The following FSTL4 variants were observed in gnomAD, a reference collection of about 807,000 sequenced individuals.
The protein encoded by FSTL4 is follistatin-related protein 4.
FSTL4 carries 28 observed loss-of-function variants against 78.2 expected under a neutral mutation model. That is an observed-to-expected ratio of 0.36 (90% CI 0.27 to 0.49). FSTL4 has a LOEUF of 0.49. Ranked by LOEUF, FSTL4 falls within the 20% of genes least tolerant of loss-of-function variation. The pLI, the probability that FSTL4 is intolerant of heterozygous loss-of-function variation, is 0.98. For synonymous variants in FSTL4, 422 were observed against 440.5 expected, an observed-to-expected ratio of 0.96 and a Z score of 0.53; for missense variants, 922 against 1,084.9, an observed-to-expected ratio of 0.85 and a Z score of 2.11.
chr5:133,823,026 A>G, the FSTL4 span, among the ~76,000 whole-genome samples: 2 of 152,194 alleles, frequency 1.3e-5, no homozygotes, highest in Non-Finnish European at 2.9e-5. Context: ...ATGGAAACAG[A>G]CCATGAACAA....
chr5:133,644,804 C>G, the FSTL4 span, among the ~76,000 whole-genome samples: 1 of 152,144 alleles, frequency 6.6e-6, no homozygotes, highest in Non-Finnish European at 1.5e-5. Flanking sequence ...TGGTCAACAT[C>G]CACAAGCTCC....
chr5:133,778,537 C>T, the FSTL4 span, among the ~76,000 whole-genome samples: 135,371 of 152,232 alleles, frequency 0.89, 60,434 homozygotes, highest in African/African-American at 0.97. Flanking sequence ...CTGGCCCTTA[C>T]GCTGAAAAGA....
chr5:133,240,565 G>T (rs1751831627), intron 7 of FSTL4, among the ~76,000 whole-genome samples: 1 of 152,184 alleles, frequency 6.6e-6, no homozygotes, highest in Non-Finnish European at 1.5e-5. Flanking sequence ...TTCTTCCAAG[G>T]CTCGGGGCAT....
chr5:133,373,609 T>C (rs1011113618), intron 4 of FSTL4, among the ~76,000 whole-genome samples: 2 of 152,152 alleles, frequency 1.3e-5, no homozygotes, highest in Non-Finnish European at 2.9e-5. Flanking sequence ...TAACACCAGG[T>C]TGGGTGTGTG....
chr5:133,229,481 C>T (rs569582026), intron 8 of FSTL4, among the ~76,000 whole-genome samples: 20 of 151,848 alleles, frequency 1.3e-4, no homozygotes, highest in African/African-American at 4.8e-4. Flanking sequence ...CTAGATCATG[C>T]TATTGCACTC....
intron 1 of FSTL4, among the ~76,000 whole-genome samples, chr5:133,604,873 T>TAACAGAA (rs59650246): frequency 2.6e-5 from 4 of 151,478 alleles, no homozygotes; most frequent in Admixed American, 2.6e-4. Context: ...CATCCAATGA[T>TAACAGAA]TCAGAATTTC....
the FSTL4 span, among the ~76,000 whole-genome samples, chr5:133,783,944 C>A: frequency 6.6e-6 from 1 of 151,308 alleles, no homozygotes; most frequent in Non-Finnish European, 1.5e-5. Flanking sequence ...GAATTCCTAC[C>A]ACATAGGCCT....
intron 4 of FSTL4, among the ~76,000 whole-genome samples, chr5:133,323,361 C>T (rs1035136734): frequency 6.6e-6 from 1 of 152,188 alleles, no homozygotes; most frequent in Non-Finnish European, 1.5e-5. Context: ...GTTGGCGAGG[C>T]CTGGGGTCTT....
At chr5:133,688,823 T>C in the FSTL4 span, among the ~76,000 whole-genome samples, 1 of 152,168 alleles carries the variant, frequency 6.6e-6, no homozygotes, top group African/African-American at 2.4e-5. Context: ...TGTCCCGGAC[T>C]TTCTGTTTTG....
intron 3 of FSTL4, among the ~76,000 whole-genome samples, chr5:133,550,878 G>T (rs1337509039): frequency 6.6e-6 from 1 of 152,172 alleles, no homozygotes. Flanking sequence ...GTAGAATGGA[G>T]TTTGGCTTCT....
intron 3 of FSTL4, among the ~76,000 whole-genome samples, chr5:133,412,031 T>C (rs1220794898): frequency 1.3e-5 from 2 of 152,170 alleles, no homozygotes; most frequent in African/African-American, 2.4e-5. Flanking sequence ...AAAAAATGGC[T>C]GTAAAACCCT....
At chr5:133,827,852 G>T in the FSTL4 span, among the ~76,000 whole-genome samples, 52 of 152,048 alleles carry the variant, frequency 3.4e-4, no homozygotes, top group Non-Finnish European at 6.6e-4. Flanking sequence ...TGGGGGTCTT[G>T]CAGGCTATAA....
Position 133,199,153 on chromosome 5 carries a change from C to A in FSTL4, c.2471G>T (p.Arg824Leu). The A allele has an allele frequency of 3.7e-6, 6 of 1,601,292 alleles. No homozygotes were observed. In the South Asian group the frequency reaches 6.7e-5, roughly 18 times the overall value. ...CCCCTTTATACCTGACACCTCACAC[C>A]GCAGCGTGTTTTGTCTCCCATTGAT... ...FLINGRQNTL[R>L]CEVSGIKGGT... The change falls in exon 16 of 16, where the codon CGG becomes CTG. Residue 824 changes from arginine to leucine, a missense_variant. Physicochemically the swap from Arg to Leu is moderately radical, Grantham distance 102. Transcript: ENST00000265342. This position sits in a 1 kb window ranked among gnomAD's most constrained non-coding sequence, Gnocchi z 4.4.
chr5:133,659,748 T>A, the FSTL4 span, among the ~76,000 whole-genome samples: 3 of 152,038 alleles, frequency 2.0e-5, no homozygotes, highest in African/African-American at 7.2e-5. Context: ...GCTTAAAAGT[T>A]AAATATTTTA....
the FSTL4 span, among the ~76,000 whole-genome samples, chr5:133,735,993 A>C: frequency 6.6e-6 from 1 of 152,182 alleles, no homozygotes; most frequent in Non-Finnish European, 1.5e-5. Flanking sequence ...AGTGGGTAGA[A>C]AGGTTTGTTA....
chr5:133,758,040 A>C, the FSTL4 span, among the ~76,000 whole-genome samples: 90,464 of 151,998 alleles, frequency 0.6, 27,504 homozygotes, highest in Non-Finnish European at 0.67. Flanking sequence ...GAGTCGGCAT[A>C]GGTAATGTTT....
chr5:133,591,941 C>T (rs754342465), intron 2 of FSTL4, among the ~76,000 whole-genome samples: 2 of 152,202 alleles, frequency 1.3e-5, no homozygotes, highest in Non-Finnish European at 2.9e-5. Context: ...GGCGATTCTG[C>T]TCCTGGCCAC....
At chr5:133,740,202 G>A in the FSTL4 span, among the ~76,000 whole-genome samples, 1 of 152,046 alleles carries the variant, frequency 6.6e-6, no homozygotes, top group Non-Finnish European at 1.5e-5. Flanking sequence ...AAGCTCTTAA[G>A]TTCTAAGTGA....
At chr5:133,640,275 A>G in the FSTL4 span, among the ~76,000 whole-genome samples, 1 of 152,206 alleles carries the variant, frequency 6.6e-6, no homozygotes, top group Non-Finnish European at 1.5e-5. Context: ...AGAATCTCAT[A>G]AAACCTGGGA....
Sources: gnomAD v4.1 joint callset for allele counts (sites outside exome capture counted in the v4.1 genomes callset) on GRCh38, gnomAD v4.1.1 for gene constraint, Gnocchi (gnomAD v3.1) non-coding constraint, MANE v1.5 for transcripts, NCBI Gene and HGNC (gene_info 2026-07-23, HGNC 2026-07-21) for gene names.